The following AGTPBP1 variants were observed in gnomAD, a reference collection of about 807,000 sequenced individuals.
AGTPBP1 encodes the protein cytosolic carboxypeptidase 1.
A neutral mutation model predicts 143.9 loss-of-function variants in AGTPBP1; 70 were observed. The ratio of observed to expected loss-of-function variants is 0.49; its 90% CI spans 0.40 to 0.59. AGTPBP1 has a LOEUF of 0.59. Ranked by LOEUF, AGTPBP1 falls within the 20% of genes least tolerant of loss-of-function variation. The pLI, the probability that AGTPBP1 is intolerant of heterozygous loss-of-function variation, is 0.00. For synonymous variants in AGTPBP1, 463 were observed against 500.2 expected (o/e 0.93, Z 0.99); for missense variants, 1,229 against 1,464.5 (o/e 0.84, Z 2.62).
chr9:85,569,949 G>A (rs1357117067), intron 25 of AGTPBP1, among the ~76,000 whole-genome samples: 1 of 152,090 alleles, frequency 6.6e-6, no homozygotes, highest in Non-Finnish European at 1.5e-5. Context: ...GTTTTCTTCA[G>A]CCTTAACTTT....
At chr9:85,585,372 T>G in intron 23 of AGTPBP1, 91 bp downstream of exon 23, 1 of 1,223,048 alleles carries the variant, frequency 8.2e-7, no homozygotes, top group Non-Finnish European at 1.1e-6. Context: ...ATGTCAATAT[T>G]TATTGAATGT....
intron 19 of AGTPBP1, among the ~76,000 whole-genome samples, chr9:85,591,011 T>C (rs1435710799): frequency 1.3e-5 from 2 of 152,274 alleles, no homozygotes; most frequent in South Asian, 4.1e-4. Context: ...GAAATAAGTC[T>C]AGCACATTAA....
chr9:85,671,278 T>C (rs1378896467), intron 7 of AGTPBP1, among the ~76,000 whole-genome samples: 1 of 152,182 alleles, frequency 6.6e-6, no homozygotes, highest in Non-Finnish European at 1.5e-5. Context: ...GTTTTATTTT[T>C]TAAATCAACT....
At chr9:85,775,694 A>G in the AGTPBP1 span, among the ~76,000 whole-genome samples, 3 of 152,012 alleles carry the variant, frequency 2.0e-5, no homozygotes, top group East Asian at 3.9e-4. Flanking sequence ...AAGCCAGTCC[A>G]AGTCTCAAAA....
the AGTPBP1 span, among the ~76,000 whole-genome samples, chr9:85,748,941 T>A: frequency 6.6e-6 from 1 of 151,532 alleles, no homozygotes; most frequent in African/African-American, 2.4e-5. Flanking sequence ...AGAGTAGAAG[T>A]CTGCTGAAAT....
chr9:85,578,984 A>G lies in AGTPBP1; in HGVS notation c.3278T>C (p.Ile1093Thr), dbSNP rs1265760365. The G allele has an allele frequency of 6.2e-7, 1 of 1,613,118 alleles. No homozygotes were observed. Among genetic ancestry groups the G allele is most frequent in the East Asian group, 2.2e-5 (1 of 44,746 alleles). The part of the protein sequence containing the change: ...STARVVVWRE[I>T]GVQRSYTMES... ...CATGGTATAACTTCTTTGTACTCCT[A>G]TTTCCCTCCAAACTACAACACGTGC... The change falls in exon 24 of 26, where the codon ATA (isoleucine) becomes ACA (threonine). Residue 1093 changes from isoleucine to threonine, a missense_variant. By Grantham distance (89) the Ile-to-Thr change is moderately conservative. This residue lies in a region of AGTPBP1 where 486 missense variants were observed against 652.3 expected (regional missense o/e 0.75). Transcript: ENST00000357081.
At chr9:85,568,068 A>G (rs1210733314) in intron 25 of AGTPBP1, among the ~76,000 whole-genome samples, 1 of 152,198 alleles carries the variant, frequency 6.6e-6, no homozygotes, top group African/African-American at 2.4e-5. Context: ...CCAAAAATGC[A>G]AAGACCCTAG....
At chr9:85,551,155 T>C (rs1039798692) in intron 25 of AGTPBP1, among the ~76,000 whole-genome samples, 1 of 152,138 alleles carries the variant, frequency 6.6e-6, no homozygotes, top group South Asian at 2.1e-4. Flanking sequence ...GGTGGCACCA[T>C]GCTTCCTGTA....
intron 1 of AGTPBP1, among the ~76,000 whole-genome samples, chr9:85,717,676 CTTTT>C (rs775415618): frequency 2.2e-5 from 3 of 135,588 alleles, no homozygotes; most frequent in Non-Finnish European, 4.8e-5. Flanking sequence ...GATGAGTATC[CTTTT>C]TTTTTTTTTT....
the AGTPBP1 span, among the ~76,000 whole-genome samples, chr9:85,750,326 G>A: frequency 3.9e-5 from 6 of 152,146 alleles, no homozygotes; most frequent in Non-Finnish European, 8.8e-5. Flanking sequence ...GAAGCATCAA[G>A]AACTATGGAT....
chr9:85,779,206 GATATAGATATAGATATAGAT>G, the AGTPBP1 span, among the ~76,000 whole-genome samples: 1 of 98,728 alleles, frequency 1.0e-5, no homozygotes, highest in African/African-American at 3.1e-5. Context: ...TATAGATATA[GATATAGATATAGATATAGAT>G]ATAGATATAG....
intron 17 of AGTPBP1, among the ~76,000 whole-genome samples, chr9:85,615,139 A>G (rs1177309316): frequency 6.6e-6 from 1 of 152,172 alleles, no homozygotes; most frequent in Non-Finnish European, 1.5e-5. Context: ...GTTAAATCCC[A>G]ATTCACAGAA....
At chr9:85,580,328 A>T (rs1246025094) in intron 23 of AGTPBP1, among the ~76,000 whole-genome samples, 1 of 150,912 alleles carries the variant, frequency 6.6e-6, no homozygotes, top group Non-Finnish European at 1.5e-5. Flanking sequence ...ATTTTATCAT[A>T]TTTGTTAATT....
At chr9:85,651,450 A>G (rs979172280) in intron 11 of AGTPBP1, among the ~76,000 whole-genome samples, 1 of 152,222 alleles carries the variant, frequency 6.6e-6, no homozygotes, top group Non-Finnish European at 1.5e-5. Flanking sequence ...CCCACTTTAT[A>G]ATAACTGTAT....
At chr9:85,718,663 CTTTAG>C (rs1448346660) in intron 1 of AGTPBP1, among the ~76,000 whole-genome samples, 1 of 152,144 alleles carries the variant, frequency 6.6e-6, no homozygotes, top group East Asian at 1.9e-4. Flanking sequence ...TGCAGATGCT[CTTTAG>C]TTTAATTAGA....
At chr9:85,731,332 G>A (rs1297228357) in intron 1 of AGTPBP1, among the ~76,000 whole-genome samples, 1 of 152,122 alleles carries the variant, frequency 6.6e-6, no homozygotes, top group African/African-American at 2.4e-5. Context: ...ACAAGTGTTA[G>A]CAAGGATGTG....
At position 85,567,979 on chromosome 9, in the gene AGTPBP1, A is replaced by G. The variant is rs1827214733; in HGVS notation, c.3503+7336T>C. ...AAAAATAAGTCTACTCCTAAACATA[A>G]TGTACTGAAACTGAACCAGATTGAG... is the stretch of plus-strand genomic sequence containing the variant. On this transcript the variant is annotated intron_variant, in intron 25 of 25. Transcript: ENST00000357081. Among the ~76,000 whole-genome samples the G allele has an allele frequency of 3.3e-5, 5 of 152,362 alleles. No homozygotes were observed. The South Asian group carries it at 8.3e-4, about 25-fold the overall frequency.
intron 8 of AGTPBP1, among the ~76,000 whole-genome samples, chr9:85,666,146 A>G (rs951989998): frequency 2.6e-5 from 4 of 152,120 alleles, no homozygotes; most frequent in Non-Finnish European, 4.4e-5. Flanking sequence ...AAGGAAAAAA[A>G]GCTTAAGTCC....
the AGTPBP1 span, among the ~76,000 whole-genome samples, chr9:85,763,204 C>A: frequency 2.6e-5 from 4 of 152,052 alleles, no homozygotes; most frequent in South Asian, 8.3e-4. Flanking sequence ...ACCCTCACAT[C>A]AAGCCTGTCC....
Sources: gnomAD v4.1 joint callset for allele counts (sites outside exome capture counted in the v4.1 genomes callset) on GRCh38, gnomAD v4.1.1 for gene constraint, gnomAD v4.1.1 regional missense constraint, MANE v1.5 for transcripts, NCBI Gene and HGNC (gene_info 2026-07-23, HGNC 2026-07-21) for gene names.